TASOR2: variants seen among roughly 807,000 people sequenced by gnomAD.
The protein encoded by TASOR2 is protein TASOR 2.
A neutral mutation model predicts 199.5 loss-of-function variants in TASOR2; 84 were observed. That is an observed-to-expected ratio of 0.42 (90% CI 0.35 to 0.50). TASOR2 has a LOEUF of 0.50. TASOR2 is among the 20% of genes least tolerant of loss of function. The pLI is 0.02. For missense variants in TASOR2, 2,796 were observed against 2,835.9 expected, an observed-to-expected ratio of 0.99 and a Z score of 0.32; for synonymous variants, 1,103 against 1,046.6, an observed-to-expected ratio of 1.05 and a Z score of -1.04.
intron 1 of TASOR2, among the ~76,000 whole-genome samples, chr10:5,688,645 G>A (rs1326240768): frequency 6.6e-6 from 1 of 152,030 alleles, no homozygotes; most frequent in Non-Finnish European, 1.5e-5. Flanking sequence ...ACCTACACAT[G>A]TGTCATTTGG....
At position 5,723,043 on chromosome 10, in the gene TASOR2, C is replaced by CTTTT. The variant is rs1183983010; in HGVS notation, c.147-611_147-608dup. 1.0e-3 allele frequency among the ~76,000 whole-genome samples: 75 copies of CTTTT among 72,906 alleles called. 5 individuals carry two copies. The highest frequency in any genetic ancestry group is 6.7e-3 in the South Asian group (9 of 1,340). 47.8% of individuals were successfully genotyped at this position (72,906 alleles called of 152,430 possible). A position where few individuals can be genotyped will look rare whatever the true frequency, so the allele number is the denominator to read the frequency against. On this transcript the variant is annotated intron_variant, in intron 6 of 20. Coordinates refer to ENST00000328090, the Ensembl canonical transcript of TASOR2. Reference sequence around the variant, plus strand: ...AAAGGAAAAAGTAGTCAGGAAATAACTTTTTTTTTTTTTTTTTTTTTTTTT... The same window carrying CTTTT: ...AAAGGAAAAAGTAGTCAGGAAATAACTTTTTTTTTTTTTTTTTTTTTTTTTTTTT...
At chr10:5,709,454 G>T in intron 1 of TASOR2, 1 of 968,562 alleles carries the variant, frequency 1.0e-6, no homozygotes, top group South Asian at 5.4e-5. Flanking sequence ...ATTACTCAGC[G>T]AACATTTGTT....
intron 1 of TASOR2, chr10:5,709,617 A>G (rs1415322287): frequency 1.3e-5 from 16 of 1,231,070 alleles, no homozygotes; most frequent in Non-Finnish European, 1.6e-5. Flanking sequence ...CCTCCCAGCT[A>G]CATTCTCTCT....
intron 18 of TASOR2, 146 bp downstream of exon 19, chr10:5,759,138 A>C: frequency 3.2e-6 from 2 of 622,430 alleles, no homozygotes; most frequent in Non-Finnish European, 5.7e-6. Flanking sequence ...GTATTCAATG[A>C]AGGAAGCTAT....
chr10:5,730,818 A>G lies in TASOR2; in HGVS notation c.819A>G (p.Glu273=). 6.2e-7 allele frequency: 1 copy of G among 1,614,198 alleles called. No individual in the cohort carries two copies. Among genetic ancestry groups the G allele is most frequent in the Non-Finnish European group, 8.5e-7 (1 of 1,180,036 alleles). Residue 273 remains glutamate (E), a synonymous_variant, in exon 11 of 21, where the codon GAA becomes GAG. Transcript: ENST00000328090. The surrounding 1 kb of genome is among the most constrained non-coding windows in gnomAD (Gnocchi z 4.1). Reference sequence around the variant, plus strand: ...CAGACCCTAGTGCTTACATTTTGGAAGTGTCTACTGCTTTGGACTTGCTAG... The same window carrying G: ...CAGACCCTAGTGCTTACATTTTGGAGGTGTCTACTGCTTTGGACTTGCTAG...
At chr10:5,743,437 A>G (rs1045538803) in intron 14 of TASOR2, among the ~76,000 whole-genome samples, 1 of 151,840 alleles carries the variant, frequency 6.6e-6, no homozygotes, top group Non-Finnish European at 1.5e-5. Flanking sequence ...CAAATAAGTT[A>G]AAGACTATTA....
Position 5,748,112 on chromosome 10 carries a change from T to TA in TASOR2, c.4695dup (p.His1566ThrfsTer8). On this transcript the variant is annotated frameshift_variant, in exon 15 of 21. Coordinates refer to ENST00000328090, the Ensembl canonical transcript of TASOR2. LOFTEE classifies it high-confidence loss of function. The surrounding 1 kb of genome is among the most constrained non-coding windows in gnomAD (Gnocchi z 5.1). ...AGTATAGAGAATAGAAATTTGGACT[T>TA]AAAACATCTTGTCTTGGAGTCCAGT... The TA allele has an allele frequency of 6.2e-7, 1 of 1,614,250 alleles. No individual in the cohort carries two copies. Among genetic ancestry groups the TA allele is most frequent in the Non-Finnish European group, 8.5e-7 (1 of 1,180,050 alleles).
chr10:5,762,430 C>A, intron 19 of TASOR2, 102 bp from the exon 21 acceptor site: 1 of 380,116 alleles, frequency 2.6e-6, no homozygotes, highest in Non-Finnish European at 4.7e-6. Context: ...ACCCCTCACA[C>A]GAGGAAGTTC....
Position 5,719,461 on chromosome 10 carries a change from G to A in TASOR2, c.-99-1083G>A, listed in dbSNP as rs1833082420. Among the ~76,000 whole-genome samples, 1 of 152,036 alleles carries A rather than the reference G, an allele frequency of 6.6e-6. No individual in the cohort carries two copies. Among genetic ancestry groups the A allele is most frequent in the Non-Finnish European group, 1.5e-5 (1 of 68,018 alleles). Reference sequence around the variant, plus strand: ...GGGTTCAAGCAATTTTCCTACCTCAGCCTCCCAAGTGGCTGGGACTACAGG... The same window carrying A: ...GGGTTCAAGCAATTTTCCTACCTCAACCTCCCAAGTGGCTGGGACTACAGG... On this transcript the variant is annotated intron_variant, in intron 3 of 20. Coordinates refer to ENST00000328090, the Ensembl canonical transcript of TASOR2. This position sits in a 1 kb window ranked among gnomAD's most constrained non-coding sequence, Gnocchi z 4.1.
intron 10 of TASOR2, among the ~76,000 whole-genome samples, chr10:5,728,774 G>A (rs1029155809): frequency 2.6e-5 from 4 of 152,302 alleles, no homozygotes; most frequent in Non-Finnish European, 2.9e-5. Context: ...AGGTTTTGTG[G>A]TGGAAGTAAT....
rs1836342531 is a variant in TASOR2, at chr10:5,690,914, T to C, written c.-288+5739T>C. Among the ~76,000 whole-genome samples, 1 of 152,126 alleles carries C rather than the reference T, an allele frequency of 6.6e-6. No homozygotes were observed. Among genetic ancestry groups the C allele is most frequent in the South Asian group, 2.1e-4 (1 of 4,826 alleles). ...AATGAAAATTATATGACCTTGAGGC[T>C]GGGCGCGGTGGCTCATGCCTGTAAT... On this transcript the variant is annotated intron_variant, in intron 1 of 20. Transcript: ENST00000328090. This position sits in a 1 kb window ranked among gnomAD's most constrained non-coding sequence, Gnocchi z 4.8.
chr10:5,747,627 G>C, exon 15 of TASOR2: 1 of 1,614,130 alleles, frequency 6.2e-7, no homozygotes, highest in South Asian at 1.1e-5. Flanking sequence ...TATCACCAGC[G>C]TCTAGTCCTG....
chr10:5,739,820 A>G, exon 13 of TASOR2: 7 of 1,614,212 alleles, frequency 4.3e-6, no homozygotes, highest in East Asian at 2.2e-5. Flanking sequence ...CTTCCACACC[A>G]GTATCTGAGG....
In TASOR2 at chr10:5,730,768, T is replaced by G; in HGVS notation, c.769T>G (p.Leu257Val). ...AGCTGAAAAGTGCCCTTCAGAGTCTTTAACTCAGTTGAACTCTTATTTTTC... is the reference window on the plus strand; with the variant it reads ...AGCTGAAAAGTGCCCTTCAGAGTCTGTAACTCAGTTGAACTCTTATTTTTC... The change falls in exon 11 of 21, where the codon TTA becomes GTA. Residue 257 changes from leucine (L) to valine (V), a missense_variant. Transcript: ENST00000328090. This position sits in a 1 kb window ranked among gnomAD's most constrained non-coding sequence, Gnocchi z 4.1. The G allele has an allele frequency of 6.2e-7, 1 of 1,614,204 alleles. No homozygotes were observed. The highest frequency in any genetic ancestry group is 8.5e-7 in the Non-Finnish European group (1 of 1,180,032).
intron 12 of TASOR2, 40 bp from the exon 14 acceptor site, chr10:5,739,578 C>T: frequency 6.4e-7 from 1 of 1,562,986 alleles, no homozygotes. Flanking sequence ...AATTCTATGA[C>T]AAGCAAACAT....
chr10:5,756,574 T>C, intron 15 of TASOR2, 39 bp from the exon 17 acceptor site: 1 of 1,605,840 alleles, frequency 6.2e-7, no homozygotes, highest in Non-Finnish European at 8.5e-7. Flanking sequence ...TCTGTGGAAG[T>C]ACCCTTTTTT....
intron 1 of TASOR2, among the ~76,000 whole-genome samples, chr10:5,697,313 A>C (rs1837282174): frequency 6.6e-6 from 1 of 152,164 alleles, no homozygotes; most frequent in Non-Finnish European, 1.5e-5. Flanking sequence ...AATTGTATGC[A>C]AGTGCTGTTA....
In TASOR2 at chr10:5,738,273, G is replaced by A. The variant is rs993323477; in HGVS notation, c.1448-1345G>A. 3.3e-5 allele frequency among the ~76,000 whole-genome samples: 5 copies of A among 151,974 alleles called. No individual in the cohort carries two copies. The highest frequency in any genetic ancestry group is 9.7e-5 in the African/African-American group (4 of 41,342). Reference sequence around the variant, plus strand: ...TTTTTTAATTGGGAACCTGTAACACGTTAATAACTGGGTGATTTATGTGAG... The same window carrying A: ...TTTTTTAATTGGGAACCTGTAACACATTAATAACTGGGTGATTTATGTGAG... On this transcript the variant is annotated intron_variant, in intron 12 of 20. Transcript: ENST00000328090. The surrounding 1 kb of genome is among the most constrained non-coding windows in gnomAD (Gnocchi z 4.7).
chr10:5,703,798 G>A (rs568506380), intron 1 of TASOR2, among the ~76,000 whole-genome samples: 23 of 151,992 alleles, frequency 1.5e-4, no homozygotes, highest in African/African-American at 4.8e-4. Flanking sequence ...CACCGCGCCC[G>A]GCCTCTGATG....
Sources: allele counts gnomAD v4.1 joint callset (sites outside exome capture counted in the v4.1 genomes callset), GRCh38; gene constraint gnomAD v4.1.1; non-coding constraint Gnocchi (gnomAD v3.1); transcripts MANE v1.5; gene names NCBI Gene and HGNC (gene_info 2026-07-23, HGNC 2026-07-21).